The following ARFGEF1 variants were observed in gnomAD, a reference collection of about 807,000 sequenced individuals.
ARFGEF1 encodes brefeldin A-inhibited guanine nucleotide-exchange protein 1.
In ARFGEF1, 42 loss-of-function variants were observed where a neutral mutation model predicts 231.0. The ratio of observed to expected loss-of-function variants is 0.18; its 90% CI spans 0.14 to 0.24. The LOEUF is 0.24. Ranked by LOEUF, ARFGEF1 falls within the 10% of genes least tolerant of loss-of-function variation. The probability of loss-of-function intolerance (pLI) is 1.00; values close to 1 mark genes in which losing one functional copy is unlikely to be tolerated. For missense variants in ARFGEF1, 1,345 were observed against 2,192.0 expected (o/e 0.61, Z 7.72); for synonymous variants, 710 against 732.3 (o/e 0.97, Z 0.49).
downstream of ARFGEF1, chr8:67,195,658 AAT>A: frequency 7.1e-7 from 1 of 1,400,622 alleles, no homozygotes; most frequent in South Asian, 1.2e-5. Context: ...CTGTACCTTT[AAT>A]ATGTCCTACT....
intron 1 of ARFGEF1, among the ~76,000 whole-genome samples, chr8:67,304,660 A>C (rs1166182566): frequency 2.0e-5 from 3 of 152,184 alleles, no homozygotes; most frequent in Non-Finnish European, 2.9e-5. Context: ...AACCCCATGA[A>C]ATACAAATAT....
At position 67,343,352 on chromosome 8, in the gene ARFGEF1, A is replaced by C; in HGVS notation, c.-65T>G. The stretch of plus-strand genomic sequence containing the variant: ...CTCCCAGCGGCTGGAGGGGAGGAGG[A>C]GGAGAGGAAGGAAGAGAAGAGAGAA... On this transcript the variant is annotated 5_prime_UTR_variant, in exon 1 of 39. Transcript: ENST00000262215. 1 of 1,517,664 alleles carries C rather than the reference A, an allele frequency of 6.6e-7. No homozygotes were observed. The highest frequency in any genetic ancestry group is 8.9e-7 in the Non-Finnish European group (1 of 1,122,232). The allele number at this position is 1,517,664 out of a possible 1,614,324, so 94.0% of individuals were successfully genotyped here.
downstream of ARFGEF1, among the ~76,000 whole-genome samples, chr8:67,194,600 GTTTT>G (rs1224747492): frequency 6.6e-6 from 1 of 151,338 alleles, no homozygotes; most frequent in African/African-American, 2.4e-5. Context: ...TGTCTACACT[GTTTT>G]TTAACATTGT....
chr8:67,178,287 A>G (rs1832161269), intron 5 of ARFGEF1, among the ~76,000 whole-genome samples: 2 of 152,164 alleles, frequency 1.3e-5, no homozygotes, highest in Non-Finnish European at 2.9e-5. Context: ...AAGCAAAGGA[A>G]GGGAACAGAG....
At chr8:67,182,082 G>A (rs1265521928) in intron 5 of ARFGEF1, among the ~76,000 whole-genome samples, 1 of 152,074 alleles carries the variant, frequency 6.6e-6, no homozygotes, top group Non-Finnish European at 1.5e-5. Flanking sequence ...GCTCACTGCA[G>A]CCTTGACCTC....
chr8:67,203,903 ACTGT>A (rs921189139), intron 35 of ARFGEF1, among the ~76,000 whole-genome samples: 126 of 152,240 alleles, frequency 8.3e-4, no homozygotes, highest in African/African-American at 2.9e-3. Flanking sequence ...CCACATGGGA[ACTGT>A]CTGGGCTTCT....
intron 6 of ARFGEF1, among the ~76,000 whole-genome samples, chr8:67,290,434 T>C (rs1482401449): frequency 6.6e-6 from 1 of 152,226 alleles, no homozygotes. Context: ...CCACTTTCTC[T>C]ACAAAGAAAT....
At chr8:67,220,752 T>C (rs1381518135) in intron 29 of ARFGEF1, among the ~76,000 whole-genome samples, 2 of 152,182 alleles carry the variant, frequency 1.3e-5, no homozygotes, top group African/African-American at 4.8e-5. Context: ...ATCTATTCCC[T>C]TCCACTCCAA....
intron 1 of ARFGEF1, among the ~76,000 whole-genome samples, chr8:67,318,428 A>C (rs1042737647): frequency 2.0e-5 from 3 of 152,198 alleles, no homozygotes; most frequent in African/African-American, 7.2e-5. Flanking sequence ...AAACCCTCTC[A>C]TCATTTCTAC....
intron 1 of ARFGEF1, among the ~76,000 whole-genome samples, chr8:67,336,989 G>A (rs906423940): frequency 1.3e-4 from 19 of 151,892 alleles, no homozygotes; most frequent in Admixed American, 3.9e-4. Context: ...AAAATCAGCC[G>A]GGCGCGGTAG....
At chr8:67,176,024 G>C (rs1396590306) in intron 5 of ARFGEF1, among the ~76,000 whole-genome samples, 3 of 147,512 alleles carry the variant, frequency 2.0e-5, no homozygotes, top group Non-Finnish European at 3.0e-5. Flanking sequence ...GGAGAAGTGT[G>C]ATGCTAAAGA....
chr8:67,257,774 A>C lies in ARFGEF1; in HGVS notation c.2484T>G (p.Ala828=). ...FASADTAYVL[A]YSIIMLTTDL... is the part of the protein sequence containing the mutation. ...CTGTGGTCAACATGATAATTGAATA[A>C]GCCAAAACATAAGCTGTATCCGCAC... Residue 828 remains alanine, a synonymous_variant, in exon 17 of 39, where the codon GCT becomes GCG. Coordinates refer to ENST00000262215, the MANE Select transcript of ARFGEF1 (RefSeq NM_006421.5). 6.2e-7 allele frequency: 1 copy of C among 1,610,332 alleles called. No homozygotes were observed. The highest frequency in any genetic ancestry group is 8.5e-7 in the Non-Finnish European group (1 of 1,179,096).
chr8:67,331,167 T>C (rs944215093), intron 1 of ARFGEF1, among the ~76,000 whole-genome samples: 17 of 152,242 alleles, frequency 1.1e-4, no homozygotes, highest in African/African-American at 4.1e-4. Flanking sequence ...TATGATGTGA[T>C]GTTTTAAAAT....
intron 19 of ARFGEF1, among the ~76,000 whole-genome samples, chr8:67,241,895 T>C (rs1420497718): frequency 6.6e-6 from 1 of 152,074 alleles, no homozygotes; most frequent in South Asian, 2.1e-4. Context: ...AGAAAATCTG[T>C]GTACTTGGGA....
At position 67,199,043 on chromosome 8, in the gene ARFGEF1, T is replaced by G; in HGVS notation, c.5441A>C (p.Asp1814Ala). 1 of 1,610,780 alleles carries G rather than the reference T, an allele frequency of 6.2e-7. No homozygotes were observed. Among genetic ancestry groups the G allele is most frequent in the Non-Finnish European group, 8.5e-7 (1 of 1,179,260 alleles). Reference sequence around the variant, plus strand: ...AACAGCACGAAGTTCAGGAATCAAGTCAAATTGCATAATTTCACATAAGAG... The same window carrying G: ...AACAGCACGAAGTTCAGGAATCAAGGCAAATTGCATAATTTCACATAAGAG... ...YPLLCEIMQF[D>A]LIPELRAVLR... Residue 1814 changes from aspartate to alanine, a missense_variant, in exon 39 of 39, where the codon GAC becomes GCC. By Grantham distance (126) the Asp-to-Ala change is moderately radical. Coordinates refer to ENST00000262215, the MANE Select transcript of ARFGEF1 (RefSeq NM_006421.5).
At chr8:67,199,137 A>G (rs1377490553) in intron 38 of ARFGEF1, 39 bp from the exon 39 acceptor site, 2 of 1,591,782 alleles carry the variant, frequency 1.3e-6, no homozygotes. Context: ...TAGTGATTGC[A>G]AACTGCAGAG....
At chr8:67,337,202 CTATTA>C (rs1808390688) in intron 1 of ARFGEF1, among the ~76,000 whole-genome samples, 1 of 151,034 alleles carries the variant, frequency 6.6e-6, no homozygotes, top group East Asian at 1.9e-4. Context: ...AGAAAATATC[CTATTA>C]TATCATCTGA....
chr8:67,258,428 G>A (rs1202088194), intron 15 of ARFGEF1, 138 bp from the exon 16 acceptor site: 13 of 604,418 alleles, frequency 2.2e-5, no homozygotes, highest in South Asian at 1.3e-4. Context: ...AGGTTCAAGC[G>A]ATTCTCCTGC....
At chr8:67,335,542 CTT>C (rs1382550332) in intron 1 of ARFGEF1, among the ~76,000 whole-genome samples, 1 of 152,118 alleles carries the variant, frequency 6.6e-6, no homozygotes, top group East Asian at 1.9e-4. Flanking sequence ...TAGAGATTCT[CTT>C]CTATATAAAG....
Sources: allele counts gnomAD v4.1 joint callset (sites outside exome capture counted in the v4.1 genomes callset), GRCh38; gene constraint gnomAD v4.1.1; transcripts MANE v1.5; gene names NCBI Gene and HGNC (gene_info 2026-07-23, HGNC 2026-07-21).